The following MTUS2 variants were observed in gnomAD, a reference collection of about 807,000 sequenced individuals.
MTUS2 encodes the protein microtubule-associated tumor suppressor candidate 2.
MTUS2 carries 40 observed loss-of-function variants against 114.1 expected under a neutral mutation model. The observed-to-expected ratio is 0.35, with a 90% CI of 0.27 to 0.46. The LOEUF (loss-of-function observed/expected upper bound fraction) is 0.46. Among genes scored for constraint, MTUS2 ranks in the 20% least tolerant of loss-of-function variants. MTUS2 has a pLI of 1.00. For missense variants in MTUS2, 1,679 were observed against 1,705.4 expected (o/e 0.98, Z 0.27); for synonymous variants, 688 against 672.0 (o/e 1.02, Z -0.37).
intron 8 of MTUS2, among the ~76,000 whole-genome samples, chr13:29,375,277 A>C (rs988677842): frequency 2.8e-4 from 2 of 7,022 alleles, no homozygotes; most frequent in African/African-American, 3.3e-4. Flanking sequence ...CAGACAATTT[A>C]AAAAGGAGTT....
At chr13:29,349,087 G>A (rs1868998909) in intron 7 of MTUS2, among the ~76,000 whole-genome samples, 1 of 151,904 alleles carries the variant, frequency 6.6e-6, no homozygotes, top group African/African-American at 2.4e-5. Flanking sequence ...TAACCCATAT[G>A]TTCTTTCTTT....
At chr13:29,324,757 TG>T (rs1900411428) in intron 7 of MTUS2, 46 bp downstream of exon 7, 12 of 1,396,002 alleles carry the variant, frequency 8.6e-6, no homozygotes, top group Non-Finnish European at 1.2e-5. Flanking sequence ...GACTTGAACT[TG>T]GAATTTATCT....
chr13:28,928,681 A>G (rs988536689), intron 2 of MTUS2, among the ~76,000 whole-genome samples: 14 of 152,234 alleles, frequency 9.2e-5, no homozygotes, highest in Non-Finnish European at 1.3e-4. Context: ...CAGTTCTTCA[A>G]AAAACTAAAA....
At chr13:29,212,302 G>A (rs1385563555) in intron 5 of MTUS2, among the ~76,000 whole-genome samples, 9 of 151,990 alleles carry the variant, frequency 5.9e-5, no homozygotes, top group African/African-American at 4.8e-5. Flanking sequence ...TGTGGTTGGA[G>A]AACATACTTT....
intron 2 of MTUS2, among the ~76,000 whole-genome samples, chr13:28,856,863 G>A (rs766873593): frequency 3.9e-5 from 6 of 152,136 alleles, no homozygotes; most frequent in Non-Finnish European, 5.9e-5. Flanking sequence ...CAGTATATCC[G>A]TACAACCTCT....
chr13:29,026,459 G>T lies in MTUS2; in HGVS notation c.1761G>T (p.Val587=). The change falls in exon 3 of 16, where the codon GTG becomes GTT. Residue 587 remains valine (V), a synonymous_variant. Transcript: ENST00000612955. ...GCTTGTTGAACACGTCCCCCAAAGTGCCTGACAAGAACACTTGCCCCAGTG... is the reference window on the plus strand; with the variant it reads ...GCTTGTTGAACACGTCCCCCAAAGTTCCTGACAAGAACACTTGCCCCAGTG... The part of the protein sequence containing the change: ...SARLLNTSPK[V]PDKNTCPSGI... 1 of 1,613,984 alleles carries T rather than the reference G, an allele frequency of 6.2e-7. No individual in the cohort carries two copies. The highest frequency in any genetic ancestry group is 8.5e-7 in the Non-Finnish European group (1 of 1,179,890).
chr13:29,487,850 T>C lies in MTUS2; in HGVS notation c.3400-50T>C, dbSNP rs372520232. On this transcript the variant is annotated intron_variant, in intron 10 of 15. Transcript: ENST00000612955. ...TTTTCCACTCACGGAATTCCACTTC[T>C]GTTCTCCAAGCAGCTCTCTGTCTAA... 5 of 1,416,428 alleles carry C rather than the reference T, an allele frequency of 3.5e-6. No individual in the cohort carries two copies. In the African/African-American group the frequency reaches 7.1e-5, roughly 20 times the overall value. The allele number at this position is 1,416,428 out of a possible 1,614,324, so 87.7% of individuals were successfully genotyped here. A position where few individuals can be genotyped will look rare whatever the true frequency, so the allele number is the denominator to read the frequency against.
intron 7 of MTUS2, among the ~76,000 whole-genome samples, chr13:29,349,366 A>G (rs1157007016): frequency 1.3e-5 from 2 of 152,076 alleles, no homozygotes; most frequent in Non-Finnish European, 2.9e-5. Flanking sequence ...GCTTCTACAT[A>G]TATTATGAAC....
chr13:29,089,839 A>T (rs1333885945), intron 4 of MTUS2, among the ~76,000 whole-genome samples: 1 of 152,144 alleles, frequency 6.6e-6, no homozygotes, highest in African/African-American at 2.4e-5. Context: ...TTCAACTGTT[A>T]GATTGTTTTA....
rs747932308 is a variant in MTUS2, at chr13:29,033,993, T to C, written c.2314T>C (p.Leu772=). 5 of 1,613,844 alleles carry C rather than the reference T, an allele frequency of 3.1e-6. No individual in the cohort carries two copies. The highest frequency in any genetic ancestry group is 1.7e-5 in the Admixed American group (1 of 59,998). The change falls in exon 4 of 16, where the codon TTG becomes CTG. Residue 772 remains leucine, a synonymous_variant. Coordinates refer to ENST00000612955, the MANE Select transcript of MTUS2 (RefSeq NM_001033602.4). Reference sequence around the variant, plus strand: ...CATGCTCCTTAAGCCCCAGCTAGGATTGGGTGCAATGTCCCGTTTACCATC... The same window carrying C: ...CATGCTCCTTAAGCCCCAGCTAGGACTGGGTGCAATGTCCCGTTTACCATC... The part of the protein sequence containing the change: ...SAMLLKPQLG[L]GAMSRLPSAK...
intron 5 of MTUS2, among the ~76,000 whole-genome samples, chr13:29,114,849 G>A (rs961567472): frequency 2.6e-5 from 4 of 152,176 alleles, no homozygotes; most frequent in Non-Finnish European, 5.9e-5. Flanking sequence ...TTTCAATTAA[G>A]GGCAATGCCA....
In MTUS2 at chr13:29,100,809, A is replaced by T. The variant is rs1318719470; in HGVS notation, c.2483A>T (p.Lys828Ile). The T allele has an allele frequency of 7.7e-6, 12 of 1,551,488 alleles. No individual in the cohort carries two copies. The highest frequency in any genetic ancestry group is 9.6e-6 in the Non-Finnish European group (11 of 1,147,004). ...AAAGCTTCCAGTTCAAATGCTGCAA[A>T]ATCCAATCTCCCGAAATCTGGTCTC... ...LKKASSSNAA[K>I]SNLPKSGLRP... The change falls in exon 5 of 16, where the codon AAA (lysine) becomes ATA (isoleucine). Residue 828 changes from lysine to isoleucine, a missense_variant. Lys to Ile is a moderately radical substitution (Grantham distance 102, BLOSUM62 -3). Transcript: ENST00000612955.
chr13:29,369,609 C>A (rs1349165942), intron 8 of MTUS2, among the ~76,000 whole-genome samples: 1 of 152,156 alleles, frequency 6.6e-6, no homozygotes, highest in African/African-American at 2.4e-5. Flanking sequence ...TGAGGTAATT[C>A]ATAAAAGCAA....
intron 3 of MTUS2, among the ~76,000 whole-genome samples, chr13:29,032,701 C>G (rs1269094028): frequency 6.6e-6 from 1 of 152,164 alleles, no homozygotes; most frequent in Non-Finnish European, 1.5e-5. Flanking sequence ...GACTTTGTAT[C>G]TATTTCAACA....
intron 8 of MTUS2, among the ~76,000 whole-genome samples, chr13:29,424,946 T>A (rs992372578): frequency 1.9e-4 from 28 of 150,060 alleles, no homozygotes; most frequent in Non-Finnish European, 2.4e-4. Context: ...ACCAGGAAAA[T>A]TTTTTTTTTA....
At chr13:29,367,511 G>A (rs377122208) in intron 8 of MTUS2, among the ~76,000 whole-genome samples, 7 of 152,290 alleles carry the variant, frequency 4.6e-5, no homozygotes, top group East Asian at 1.9e-4. Flanking sequence ...GAAGATTAAC[G>A]CAGTTTGAGA....
chr13:29,146,234 C>T (rs11147364), intron 5 of MTUS2, among the ~76,000 whole-genome samples: 59,510 of 151,976 alleles, frequency 0.39, 13,745 homozygotes, highest in Non-Finnish European at 0.48. Flanking sequence ...AGTGTGCAGG[C>T]ACAACATAAG....
intron 2 of MTUS2, among the ~76,000 whole-genome samples, chr13:28,957,740 G>A (rs1191119578): frequency 6.6e-6 from 1 of 152,180 alleles, no homozygotes; most frequent in Non-Finnish European, 1.5e-5. Context: ...CTGTATTCAG[G>A]TAACTTGCCA....
chr13:29,072,525 A>G (rs1013394223), intron 4 of MTUS2, among the ~76,000 whole-genome samples: 7 of 152,306 alleles, frequency 4.6e-5, no homozygotes, highest in African/African-American at 1.7e-4. Flanking sequence ...ACTCCATAGA[A>G]AAGACTTCTT....
Sources: gnomAD v4.1 joint callset for allele counts (sites outside exome capture counted in the v4.1 genomes callset) on GRCh38, gnomAD v4.1.1 for gene constraint, MANE v1.5 for transcripts, NCBI Gene and HGNC (gene_info 2026-07-23, HGNC 2026-07-21) for gene names.